Variants in BMAL1 observed in about 807,000 individuals in gnomAD.
BMAL1 encodes basic helix-loop-helix ARNT like 1.
At chr11:13,321,890 G>T in the BMAL1 span, among the ~76,000 whole-genome samples, 1 of 152,268 alleles carries the variant, frequency 6.6e-6, no homozygotes, top group Middle Eastern at 3.4e-3. Flanking sequence ...TCCAGCTTCG[G>T]TTCTGCTGGT....
chr11:13,370,879 G>C, the BMAL1 span, among the ~76,000 whole-genome samples: 2 of 152,152 alleles, frequency 1.3e-5, no homozygotes, highest in Non-Finnish European at 2.9e-5. Context: ...GACTTCCTTT[G>C]ATGCCTCAAG....
the BMAL1 span, among the ~76,000 whole-genome samples, chr11:13,310,891 AT>A: frequency 1.6e-4 from 24 of 152,230 alleles, 1 homozygote; most frequent in African/African-American, 5.5e-4. Flanking sequence ...GACAAGAGGC[AT>A]GGGCCCCTTT....
At chr11:13,342,771 A>G in the BMAL1 span, among the ~76,000 whole-genome samples, 2 of 152,282 alleles carry the variant, frequency 1.3e-5, no homozygotes, top group East Asian at 1.9e-4. Flanking sequence ...CTTAGATTGC[A>G]TGGAGGCTGT....
At chr11:13,316,506 C>T in the BMAL1 span, among the ~76,000 whole-genome samples, 1 of 152,264 alleles carries the variant, frequency 6.6e-6, no homozygotes, top group South Asian at 2.1e-4. Flanking sequence ...TTTCCCCTAC[C>T]CCTCACTTTG....
chr11:13,374,234 A>C, the BMAL1 span: 1 of 1,587,606 alleles, frequency 6.3e-7, no homozygotes, highest in East Asian at 2.2e-5. Flanking sequence ...TCTTAAGTTG[A>C]AAGTGTCCCC....
At chr11:13,372,124 A>C in the BMAL1 span, 2 of 1,609,956 alleles carry the variant, frequency 1.2e-6, no homozygotes, top group South Asian at 2.2e-5. Context: ...CCATGGCCCA[A>C]ACCTAGTGCT....
At chr11:13,386,818 A>C in the BMAL1 span, 1 of 1,573,716 alleles carries the variant, frequency 6.4e-7, no homozygotes, top group Non-Finnish European at 8.7e-7. Context: ...GGAGTTTTAC[A>C]GTCTGTGAAG....
At chr11:13,356,890 G>A in the BMAL1 span, 10 of 1,594,608 alleles carry the variant, frequency 6.3e-6, no homozygotes, top group Admixed American at 3.5e-5. Context: ...AGATGAGCAA[G>A]GAGGCCGTGA....
At chr11:13,342,757 A>G in the BMAL1 span, among the ~76,000 whole-genome samples, 1 of 152,120 alleles carries the variant, frequency 6.6e-6, no homozygotes, top group Non-Finnish European at 1.5e-5. Flanking sequence ...GACTGTGCCC[A>G]TTTCTTAGAT....
chr11:13,372,810 CAAAAA>C, the BMAL1 span, among the ~76,000 whole-genome samples: 1 of 148,876 alleles, frequency 6.7e-6, no homozygotes, highest in Admixed American at 6.7e-5. Flanking sequence ...GACCCTGTTT[CAAAAA>C]AAAAGAGACA....
At chr11:13,384,613 G>A in the BMAL1 span, among the ~76,000 whole-genome samples, 13 of 152,086 alleles carry the variant, frequency 8.5e-5, no homozygotes, top group Non-Finnish European at 1.9e-4. Context: ...GTGGGAGGTT[G>A]GATTTCCTTC....
At chr11:13,345,244 G>C in the BMAL1 span, among the ~76,000 whole-genome samples, 1 of 152,194 alleles carries the variant, frequency 6.6e-6, no homozygotes, top group Non-Finnish European at 1.5e-5. Context: ...AAAGGGGGAA[G>C]TCCTCTGTTC....
At chr11:13,329,785 C>T in the BMAL1 span, among the ~76,000 whole-genome samples, 8 of 151,956 alleles carry the variant, frequency 5.3e-5, no homozygotes, top group East Asian at 1.9e-4. Flanking sequence ...GGGTACGGTA[C>T]GGATTTTTAA....
chr11:13,366,903 C>A, the BMAL1 span: 1 of 580,222 alleles, frequency 1.7e-6, no homozygotes, highest in South Asian at 2.6e-5. Context: ...TCTCTGTCCT[C>A]TTTCTGGGGC....
chr11:13,359,614 T>C, the BMAL1 span, among the ~76,000 whole-genome samples: 1 of 152,218 alleles, frequency 6.6e-6, no homozygotes, highest in African/African-American at 2.4e-5. Context: ...TCCCTCCCCA[T>C]GGTACTTTGA....
the BMAL1 span, among the ~76,000 whole-genome samples, chr11:13,343,610 T>C: frequency 1.6e-4 from 24 of 152,236 alleles, no homozygotes; most frequent in African/African-American, 5.3e-4. Flanking sequence ...TAGCTTGTTC[T>C]CTTTCTACAC....
chr11:13,356,738 G>A, the BMAL1 span: 6 of 1,613,716 alleles, frequency 3.7e-6, no homozygotes, highest in Admixed American at 5.0e-5. Flanking sequence ...TGTTTTTTCA[G>A]AGAAAGCATG....
chr11:13,376,670 C>T, the BMAL1 span: 1 of 1,614,110 alleles, frequency 6.2e-7, no homozygotes. Context: ...GGGACCCAAC[C>T]TTCCCACAGC....
At chr11:13,328,236 G>C in the BMAL1 span, among the ~76,000 whole-genome samples, 2 of 152,260 alleles carry the variant, frequency 1.3e-5, no homozygotes, top group East Asian at 3.9e-4. Flanking sequence ...GACTAAAAGG[G>C]GGGATAAACT....
Sources: allele counts gnomAD v4.1 joint callset (sites outside exome capture counted in the v4.1 genomes callset), GRCh38; gene constraint gnomAD v4.1.1; transcripts MANE v1.5; gene names NCBI Gene and HGNC (gene_info 2026-07-23, HGNC 2026-07-21).